The following UEVLD variants were observed in gnomAD, a reference collection of about 807,000 sequenced individuals.
The protein encoded by UEVLD is ubiquitin-conjugating enzyme E2 variant 3.
Under a neutral mutation model 58.6 loss-of-function variants are expected in UEVLD, and 47 were observed. The observed-to-expected ratio is 0.80, with a 90% confidence interval of 0.63 to 1.02. The LOEUF (loss-of-function observed/expected upper bound fraction) is 1.02, where lower values mean the gene tolerates loss of function less well. Among genes scored for constraint, UEVLD ranks in the 50% least tolerant of loss-of-function variants. UEVLD has a pLI of 0.00. For synonymous variants in UEVLD, 197 were observed against 195.3 expected (o/e 1.01, Z -0.07); for missense variants, 510 against 550.6 (o/e 0.93, Z 0.74).
chr11:18,573,632 A>G (rs772153236), intron 3 of UEVLD, among the ~76,000 whole-genome samples: 4 of 152,206 alleles, frequency 2.6e-5, no homozygotes, highest in East Asian at 1.9e-4. Context: ...CCATTCTCCT[A>G]TGCATAAAAA....
rs536940103 is a variant in UEVLD at position 18,562,547 on chromosome 11, A to G, written c.612+2345T>C. Among the ~76,000 whole-genome samples, 119 of 146,928 alleles carry G rather than the reference A, an allele frequency of 8.1e-4. 1 individual carries two copies. The East Asian group carries it at 0.02, about 25-fold the overall frequency. On this transcript the variant is annotated intron_variant, in intron 6 of 11. Coordinates refer to ENST00000396197, the MANE Select transcript of UEVLD (RefSeq NM_001040697.4). ...ACACAGCGAGACTCCATCTCCAAAG[A>G]AAAAAAAAAAAATTTTTTTTGTAGA...
chr11:18,576,939 T>C (rs980702833), intron 2 of UEVLD, among the ~76,000 whole-genome samples: 1 of 152,182 alleles, frequency 6.6e-6, no homozygotes, highest in Non-Finnish European at 1.5e-5. Context: ...TCCCAGCACT[T>C]TGGGAGGCCA....
At chr11:18,569,436 G>A (rs1309483453) in intron 4 of UEVLD, among the ~76,000 whole-genome samples, 1 of 152,042 alleles carries the variant, frequency 6.6e-6, no homozygotes, top group African/African-American at 2.4e-5. Flanking sequence ...TAATATATAA[G>A]AAAATCTTGA....
chr11:18,588,487 C>A, intron 1 of UEVLD, 126 bp downstream of exon 1: 1 of 1,186,642 alleles, frequency 8.4e-7, no homozygotes. Flanking sequence ...CGGTTTCAGA[C>A]CAGCCGCCCC....
chr11:18,560,146 G>GAA (rs1851969095), intron 6 of UEVLD, among the ~76,000 whole-genome samples: 1 of 50,486 alleles, frequency 2.0e-5, no homozygotes, highest in Non-Finnish European at 5.1e-5. Flanking sequence ...CACAGAGAGA[G>GAA]AAAGAAAATA....
At chr11:18,559,453 C>T (rs183133453) in intron 6 of UEVLD, among the ~76,000 whole-genome samples, 96 of 152,208 alleles carry the variant, frequency 6.3e-4, no homozygotes, top group African/African-American at 1.9e-3. Flanking sequence ...CCTGCCTCGT[C>T]CTCTCAAAGT....
At chr11:18,566,126 T>C (rs1403530909) in intron 5 of UEVLD, among the ~76,000 whole-genome samples, 1 of 152,050 alleles carries the variant, frequency 6.6e-6, no homozygotes, top group Non-Finnish European at 1.5e-5. Flanking sequence ...CTCCAACTCC[T>C]GACCTCAGGT....
intron 4 of UEVLD, among the ~76,000 whole-genome samples, chr11:18,569,305 T>A (rs919672787): frequency 6.6e-6 from 1 of 152,200 alleles, no homozygotes; most frequent in Non-Finnish European, 1.5e-5. Context: ...AGCAAAGGTT[T>A]GTTTTAAGGA....
chr11:18,578,053 G>A (rs995934912), intron 2 of UEVLD, among the ~76,000 whole-genome samples: 4 of 152,156 alleles, frequency 2.6e-5, no homozygotes, highest in Non-Finnish European at 5.9e-5. Flanking sequence ...CTTGGAACCT[G>A]TGAATATGTC....
At chr11:18,576,290 C>A (rs1414999087) in intron 2 of UEVLD, among the ~76,000 whole-genome samples, 15 of 152,146 alleles carry the variant, frequency 9.9e-5, no homozygotes, top group Admixed American at 9.8e-4. Context: ...CGGTGGCTCA[C>A]ACCTGTAATC....
chr11:18,588,559 G>A lies in UEVLD; in HGVS notation c.42+54C>T, dbSNP rs964144342. The A allele has an allele frequency of 1.3e-5, 20 of 1,594,224 alleles. No individual in the cohort carries two copies. In the African/African-American group the frequency reaches 1.7e-4, roughly 14 times the overall value. On this transcript the variant is annotated intron_variant, in intron 1 of 11. Coordinates refer to ENST00000396197, the MANE Select transcript of UEVLD (RefSeq NM_001040697.4). ...CGGAGGCAACCTGGCCAAAGGCAGAGGCACCCCCCGCAAGACCCTGAGGAC... is the reference window on the plus strand; with the variant it reads ...CGGAGGCAACCTGGCCAAAGGCAGAAGCACCCCCCGCAAGACCCTGAGGAC...
At chr11:18,561,789 G>A (rs533877590) in intron 6 of UEVLD, among the ~76,000 whole-genome samples, 13 of 148,588 alleles carry the variant, frequency 8.7e-5, no homozygotes, top group African/African-American at 3.3e-4. Flanking sequence ...CTGAGATCAC[G>A]CCACTGCAAT....
At position 18,578,479 on chromosome 11, in the gene UEVLD, T is replaced by C. The variant is rs376054841; in HGVS notation, c.127+245A>G. ...GGTGGACTTCTTGCCTACAGAATTA[T>C]AACACAGTAAACGTGTGTTTTTTAA... On this transcript the variant is annotated intron_variant, in intron 2 of 11. Coordinates refer to ENST00000396197, the MANE Select transcript of UEVLD (RefSeq NM_001040697.4). Among the ~76,000 whole-genome samples, 8 of 152,340 alleles carry C rather than the reference T, an allele frequency of 5.3e-5. No homozygotes were observed. In the East Asian group the frequency reaches 1.5e-3, roughly 29 times the overall value.
At chr11:18,561,286 G>A (rs777090147) in intron 6 of UEVLD, among the ~76,000 whole-genome samples, 4 of 152,076 alleles carry the variant, frequency 2.6e-5, no homozygotes, top group Non-Finnish European at 2.9e-5. Context: ...CCTAAACAAA[G>A]GGTTGTTGTA....
chr11:18,558,543 G>C (rs1238865981), intron 6 of UEVLD, among the ~76,000 whole-genome samples: 1 of 152,072 alleles, frequency 6.6e-6, no homozygotes, highest in Non-Finnish European at 1.5e-5. Flanking sequence ...CAGCACTTTG[G>C]GAGGCCAAGG....
At chr11:18,559,596 A>G (rs1327499002) in intron 6 of UEVLD, among the ~76,000 whole-genome samples, 1 of 152,142 alleles carries the variant, frequency 6.6e-6, no homozygotes. Context: ...TTTTGATGTT[A>G]TCATTTTCAT....
chr11:18,558,708 C>T (rs528565156), intron 6 of UEVLD, among the ~76,000 whole-genome samples: 12 of 150,954 alleles, frequency 7.9e-5, no homozygotes, highest in African/African-American at 2.9e-4. Context: ...CGCTTGAACC[C>T]AGGAGGCAGA....
At chr11:18,543,867 A>G (rs922219659) in intron 9 of UEVLD, among the ~76,000 whole-genome samples, 2 of 152,150 alleles carry the variant, frequency 1.3e-5, no homozygotes, top group Non-Finnish European at 2.9e-5. Flanking sequence ...GTGGCTGGAG[A>G]AAAAGGCCAT....
Position 18,530,726 on chromosome 11 carries a change from CTTT to C in UEVLD, c.*1591_*1593del, listed in dbSNP as rs59281820. 11 of 135,466 alleles carry C rather than the reference CTTT, an allele frequency of 8.1e-5. No individual in the cohort carries two copies. The highest frequency in any genetic ancestry group is 1.4e-4 in the Non-Finnish European group (9 of 63,340). The allele number at this position is 135,466 out of a possible 1,614,324, so 8.4% of individuals were successfully genotyped here. On this transcript the variant is annotated 3_prime_UTR_variant, in exon 12 of 12. Coordinates refer to ENST00000396197, the MANE Select transcript of UEVLD (RefSeq NM_001040697.4). ...TCACCACACCTGGCTAATTTTTAAA[CTTT>C]TTTTTTTTTTTTTTGAGACGGAGTC...
Sources: gnomAD v4.1 joint callset for allele counts (sites outside exome capture counted in the v4.1 genomes callset) on GRCh38, gnomAD v4.1.1 for gene constraint, MANE v1.5 for transcripts, NCBI Gene and HGNC (gene_info 2026-07-23, HGNC 2026-07-21) for gene names.